HS6ST1: variants seen among roughly 807,000 people sequenced by gnomAD.
HS6ST1 encodes the protein heparan-sulfate 6-O-sulfotransferase 1.
In HS6ST1, 3 loss-of-function variants were observed where a neutral mutation model predicts 25.2. That is an observed-to-expected ratio of 0.12 (90% CI 0.05 to 0.31). The LOEUF (loss-of-function observed/expected upper bound fraction) is 0.31, where lower values mean the gene tolerates loss of function less well. Among genes scored for constraint, HS6ST1 ranks in the 10% least tolerant of loss-of-function variants. The pLI is 1.00. For synonymous variants in HS6ST1, 204 were observed against 275.1 expected, an observed-to-expected ratio of 0.74 and a Z score of 2.56; for missense variants, 310 against 609.6, an observed-to-expected ratio of 0.51 and a Z score of 5.18.
intron 1 of HS6ST1, among the ~76,000 whole-genome samples, chr2:128,285,577 G>A (rs956407991): frequency 7.3e-6 from 1 of 137,432 alleles, no homozygotes; most frequent in Non-Finnish European, 1.6e-5. Context: ...TAGGACCAGG[G>A]GAAGCCTTGG....
intron 1 of HS6ST1, among the ~76,000 whole-genome samples, chr2:128,309,687 G>A (rs924091929): frequency 2.6e-5 from 4 of 152,236 alleles, no homozygotes; most frequent in Non-Finnish European, 4.4e-5. Context: ...AACGTTCTCT[G>A]TGTAAATAAT....
intron 1 of HS6ST1, among the ~76,000 whole-genome samples, chr2:128,283,407 C>T (rs1016742447): frequency 2.0e-5 from 3 of 152,218 alleles, no homozygotes; most frequent in Non-Finnish European, 2.9e-5. Context: ...CCCCAAATGA[C>T]GGGGAGCAAT....
At chr2:128,271,608 T>A (rs1693610641) in intron 1 of HS6ST1, among the ~76,000 whole-genome samples, 1 of 152,176 alleles carries the variant, frequency 6.6e-6, no homozygotes, top group Non-Finnish European at 1.5e-5. Context: ...TCTGCTCAGT[T>A]CTGTCCGCCC....
intron 1 of HS6ST1, among the ~76,000 whole-genome samples, chr2:128,309,755 C>T (rs573221986): frequency 2.6e-5 from 4 of 152,336 alleles, no homozygotes; most frequent in Admixed American, 6.5e-5. Flanking sequence ...TGCAGGCTGT[C>T]GGGAGCTGCC....
At chr2:128,298,389 T>C (rs1694071859) in intron 1 of HS6ST1, among the ~76,000 whole-genome samples, 1 of 152,162 alleles carries the variant, frequency 6.6e-6, no homozygotes. Context: ...AGCAGCATCA[T>C]TCACAATAGC....
rs4274545 is a variant in HS6ST1, at chr2:128,318,813, C to T, written c.-250G>A. On this transcript the variant is annotated 5_prime_UTR_variant, in exon 1 of 2. Transcript: ENST00000259241. The surrounding 1 kb of genome is among the most constrained non-coding windows in gnomAD (Gnocchi z 5.7). ...GCTCCCGGCCCCGGCCAGCACAGCG[C>T]TCTCCGCGCCCCCAGCACCAGCCCG... Among the ~76,000 whole-genome samples, 3 of 146,982 alleles carry T rather than the reference C, an allele frequency of 2.0e-5. No homozygotes were observed. Among genetic ancestry groups the T allele is most frequent in the Admixed American group, 2.0e-4 (3 of 14,846 alleles).
rs192054738 is a variant in HS6ST1, at chr2:128,315,378, G to A, written c.527+2659C>T. Among the ~76,000 whole-genome samples, 880 of 152,270 alleles carry A rather than the reference G, an allele frequency of 5.8e-3. 10 individuals carry two copies. The highest frequency in any genetic ancestry group is 0.017 in the African/African-American group (693 of 41,540). On this transcript the variant is annotated intron_variant, in intron 1 of 1. Coordinates refer to ENST00000259241, the MANE Select transcript of HS6ST1 (RefSeq NM_004807.3). ...GGGAAGAGCCCCACCTCTCTTACGC[G>A]CACCACAGGCCCACTGAGACCCTCC...
Position 128,278,620 on chromosome 2 carries a change from C to A in HS6ST1, c.528-9750G>T, listed in dbSNP as rs142691301. ...GGTCCTGCGGCTCACGGAGGGGGAG[C>A]TGACAAGTCCTGAAGATGTGGAGAA... On this transcript the variant is annotated intron_variant, in intron 1 of 1. Transcript: ENST00000259241. 3.7e-3 allele frequency among the ~76,000 whole-genome samples: 569 copies of A among 152,284 alleles called. 3 individuals carry two copies. The highest frequency in any genetic ancestry group is 4.8e-3 in the Admixed American group (73 of 15,304).
chr2:128,268,248 T>C lies in HS6ST1; in HGVS notation c.1150A>G (p.Lys384Glu). ...GCATCCTCCCGCGGCAGTGCCTCCT[T>C]GGCCCGGTGCAGCAGACGCTCCTCG... is the stretch of plus-strand genomic sequence containing the variant. ...SREERLLHRA[K>E]EALPREDADE... The change falls in exon 2 of 2, where the codon AAG (lysine) becomes GAG (glutamate). Residue 384 changes from lysine to glutamate, a missense_variant. By Grantham distance (56) the Lys-to-Glu change is moderately conservative. Transcript: ENST00000259241. 6.2e-7 allele frequency: 1 copy of C among 1,611,434 alleles called. No homozygotes were observed. Among genetic ancestry groups the C allele is most frequent in the Non-Finnish European group, 8.5e-7 (1 of 1,179,406 alleles).
intron 1 of HS6ST1, among the ~76,000 whole-genome samples, chr2:128,306,252 C>T (rs1694205600): frequency 6.6e-6 from 1 of 152,174 alleles, no homozygotes. Flanking sequence ...AGGACAGTGC[C>T]TTCCCTGGCT....
intron 1 of HS6ST1, among the ~76,000 whole-genome samples, chr2:128,306,774 C>T (rs187076336): frequency 2.6e-3 from 389 of 152,110 alleles, no homozygotes; most frequent in African/African-American, 8.6e-3. Context: ...TGAGGGGGTG[C>T]GAAAAGCTTT....
chr2:128,269,178 C>T (rs916420019), intron 1 of HS6ST1, among the ~76,000 whole-genome samples: 3 of 152,216 alleles, frequency 2.0e-5, no homozygotes, highest in Admixed American at 1.3e-4. Context: ...CCAGAGAAGT[C>T]GCAGAGCCAC....
intron 1 of HS6ST1, among the ~76,000 whole-genome samples, chr2:128,269,341 TG>T (rs566108850): frequency 2.0e-3 from 283 of 144,650 alleles, no homozygotes; most frequent in Middle Eastern, 3.5e-3. Context: ...TGGTGGTGGT[TG>T]GGGGGGGGGT....
rs950616476 is a variant in HS6ST1, at chr2:128,317,492, T to A, written c.527+545A>T. 2.6e-5 allele frequency among the ~76,000 whole-genome samples: 4 copies of A among 152,312 alleles called. 1 individual carries two copies. The highest frequency in any genetic ancestry group is 6.5e-5 in the Admixed American group (1 of 15,304). ...AGGTCAACAGGGCCTTTGTTCTACCTGCACACACCGGCAGGCAGGCGGGCA... is the reference window on the plus strand; with the variant it reads ...AGGTCAACAGGGCCTTTGTTCTACCAGCACACACCGGCAGGCAGGCGGGCA... On this transcript the variant is annotated intron_variant, in intron 1 of 1. Transcript: ENST00000259241.
At chr2:128,310,058 T>A (rs985509026) in intron 1 of HS6ST1, among the ~76,000 whole-genome samples, 1 of 152,172 alleles carries the variant, frequency 6.6e-6, no homozygotes, top group African/African-American at 2.4e-5. Context: ...TCTGGGCCCA[T>A]GAGACCCACC....
intron 1 of HS6ST1, among the ~76,000 whole-genome samples, chr2:128,311,821 G>C (rs889832498): frequency 1.3e-5 from 2 of 152,154 alleles, no homozygotes; most frequent in Non-Finnish European, 2.9e-5. Flanking sequence ...ATCCTCCCTG[G>C]GCCGGTGGTG....
intron 1 of HS6ST1, among the ~76,000 whole-genome samples, chr2:128,309,825 G>A (rs922416690): frequency 6.6e-6 from 1 of 152,196 alleles, no homozygotes; most frequent in Non-Finnish European, 1.5e-5. Context: ...AGCTGCTGAC[G>A]GCTCGCTCTC....
At chr2:128,276,317 G>A (rs1200981945) in intron 1 of HS6ST1, among the ~76,000 whole-genome samples, 1 of 152,164 alleles carries the variant, frequency 6.6e-6, no homozygotes, top group Non-Finnish European at 1.5e-5. Context: ...CGTATTTTTA[G>A]TAGAGATGGG....
In HS6ST1 at chr2:128,267,887, C is replaced by T. The variant is rs1289812937; in HGVS notation, c.*275G>A. ...AAATCCAAGGAGGCCAGGAGAGCAGCTCCAGGCACAACACCTGCTCTGGAG... is the reference window on the plus strand; with the variant it reads ...AAATCCAAGGAGGCCAGGAGAGCAGTTCCAGGCACAACACCTGCTCTGGAG... On this transcript the variant is annotated 3_prime_UTR_variant, in exon 2 of 2. Transcript: ENST00000259241. 1.7e-6 allele frequency: 1 copy of T among 581,208 alleles called. No individual in the cohort carries two copies. The highest frequency in any genetic ancestry group is 1.9e-5 in the African/African-American group (1 of 53,676). The allele number at this position is 581,208 out of a possible 1,614,324, so 36.0% of individuals were successfully genotyped here.
Sources: gnomAD v4.1 joint callset for allele counts (sites outside exome capture counted in the v4.1 genomes callset) on GRCh38, gnomAD v4.1.1 for gene constraint, Gnocchi (gnomAD v3.1) non-coding constraint, MANE v1.5 for transcripts, NCBI Gene and HGNC (gene_info 2026-07-23, HGNC 2026-07-21) for gene names.